FAF2: variants seen among roughly 807,000 people sequenced by gnomAD.
FAF2 encodes the protein FAS-associated factor 2.
A neutral mutation model predicts 62.3 loss-of-function variants in FAF2; 9 were observed. The observed-to-expected ratio is 0.14, with a 90% confidence interval of 0.09 to 0.25. The LOEUF (loss-of-function observed/expected upper bound fraction) is 0.25. Among genes scored for constraint, FAF2 ranks in the 10% least tolerant of loss-of-function variants. FAF2 has a pLI of 1.00. For synonymous variants in FAF2, 202 were observed against 198.0 expected (o/e 1.02, Z -0.17); for missense variants, 368 against 556.2 (o/e 0.66, Z 3.40).
At chr5:176,471,915 C>T (rs909773357) in intron 1 of FAF2, among the ~76,000 whole-genome samples, 1 of 149,606 alleles carries the variant, frequency 6.7e-6, no homozygotes, top group Non-Finnish European at 1.5e-5. Context: ...TTCCTAACCT[C>T]GTGATTCGCC....
chr5:176,465,338 T>G (rs1383206001), intron 1 of FAF2, among the ~76,000 whole-genome samples: 1 of 151,526 alleles, frequency 6.6e-6, no homozygotes, highest in East Asian at 1.9e-4. Flanking sequence ...GTATATACAA[T>G]AAAGAAACTG....
chr5:176,503,947 A>AGG (rs1755635759), intron 10 of FAF2, among the ~76,000 whole-genome samples: 1 of 152,006 alleles, frequency 6.6e-6, no homozygotes, highest in African/African-American at 2.4e-5. Context: ...GGATCACTTA[A>AGG]GGCCAGGAGT....
chr5:176,462,174 G>A (rs916146639), intron 1 of FAF2, among the ~76,000 whole-genome samples: 2 of 151,962 alleles, frequency 1.3e-5, no homozygotes, highest in Non-Finnish European at 2.9e-5. Context: ...TACTTGAGAG[G>A]CTGAGGCGGG....
intron 3 of FAF2, 125 bp from the exon 4 acceptor site, chr5:176,488,826 G>A (rs943442209): frequency 2.0e-5 from 14 of 705,168 alleles, no homozygotes; most frequent in Non-Finnish European, 3.5e-5. Flanking sequence ...CAGGAAGAAG[G>A]AACTGTACTT....
At chr5:176,483,942 G>A (rs1478550541) in intron 2 of FAF2, among the ~76,000 whole-genome samples, 1 of 152,106 alleles carries the variant, frequency 6.6e-6, no homozygotes, top group East Asian at 1.9e-4. Context: ...GTGTGTGGCG[G>A]TGCGTGCCTG....
intron 1 of FAF2, among the ~76,000 whole-genome samples, chr5:176,462,488 G>A (rs1758394868): frequency 6.6e-6 from 1 of 151,868 alleles, no homozygotes; most frequent in African/African-American, 2.4e-5. Context: ...GCCGGGCGTG[G>A]TGGCGCATGT....
chr5:176,467,129 C>CTTTTTTTTTT (rs374702773), intron 1 of FAF2, among the ~76,000 whole-genome samples: 1 of 94,034 alleles, frequency 1.1e-5, no homozygotes, highest in Non-Finnish European at 1.9e-5. Context: ...TTTTTTTTTC[C>CTTTTTTTTTT]TTTTTTTTTT....
intron 1 of FAF2, among the ~76,000 whole-genome samples, chr5:176,465,708 A>G (rs1263063166): frequency 6.6e-6 from 1 of 152,098 alleles, no homozygotes; most frequent in African/African-American, 2.4e-5. Flanking sequence ...ACTGAAAGCT[A>G]TTTTAGCTGG....
chr5:176,509,326 CTT>C lies in FAF2; in HGVS notation c.*2379_*2380del, dbSNP rs1755738590. ...GTACAATCTGTGTTACTCCTAAGGA[CTT>C]TTGGGATTTTGATGAGACCTGCGAG... is the stretch of plus-strand genomic sequence containing the variant. On this transcript the variant is annotated 3_prime_UTR_variant, in exon 11 of 11. Coordinates refer to ENST00000261942, the MANE Select transcript of FAF2 (RefSeq NM_014613.3). 1 of 152,120 alleles carries C rather than the reference CTT, an allele frequency of 6.6e-6. No individual in the cohort carries two copies. The highest frequency in any genetic ancestry group is 2.4e-5 in the African/African-American group (1 of 41,416). The allele number at this position is 152,120 out of a possible 1,614,324, so 9.4% of individuals were successfully genotyped here. A position where few individuals can be genotyped will look rare whatever the true frequency, so the allele number is the denominator to read the frequency against.
chr5:176,498,926 C>A lies in FAF2; in HGVS notation c.852C>A (p.Asn284Lys), dbSNP rs765635151. The stretch of plus-strand genomic sequence containing the variant: ...GATCTATTCACAGGGAAGAAAGAAA[C>A]CAGACCCAAGTGCTGAGACAACAGC... ...VSERLEREERNQTQVLRQQQD... is the reference protein window; with the variant it reads ...VSERLEREERKQTQVLRQQQD... Residue 284 changes from asparagine (N) to lysine (K), a missense_variant, in exon 9 of 11, where the codon AAC (asparagine) becomes AAA (lysine). Asn to Lys is a moderately conservative substitution (Grantham distance 94, BLOSUM62 0). This residue lies in a region of FAF2 where 331 missense variants were observed against 441.9 expected (regional missense o/e 0.75). Transcript: ENST00000261942. 1.3e-5 allele frequency: 20 copies of A among 1,594,644 alleles called. No homozygotes were observed. Among genetic ancestry groups the A allele is most frequent in the Non-Finnish European group, 6.0e-6 (7 of 1,170,730 alleles).
chr5:176,502,309 T>C (rs559446014), intron 10 of FAF2, among the ~76,000 whole-genome samples: 1 of 152,220 alleles, frequency 6.6e-6, no homozygotes, highest in East Asian at 1.9e-4. Context: ...GGCCAGGCGT[T>C]GTGGCTCACG....
Position 176,453,533 on chromosome 5 carries a change from A to T in FAF2, c.63+5063A>T, listed in dbSNP as rs1758222801. On this transcript the variant is annotated intron_variant, in intron 1 of 10. Transcript: ENST00000261942. ...AAAATCTTTCTTTTGGCTTCACCTG[A>T]CTATATTACCTAAAGGAAAAAAAAA... 2.6e-5 allele frequency: 4 copies of T among 152,154 alleles called. No individual in the cohort carries two copies. The South Asian group carries it at 8.3e-4, about 32-fold the overall frequency. 9.4% of individuals were successfully genotyped at this position (152,154 alleles called of 1,614,324 possible).
intron 2 of FAF2, among the ~76,000 whole-genome samples, chr5:176,479,867 G>T (rs1182996784): frequency 6.6e-6 from 1 of 152,046 alleles, no homozygotes; most frequent in Non-Finnish European, 1.5e-5. Context: ...CGGCTAATTT[G>T]TATTTTTAGT....
At chr5:176,473,231 G>A (rs1201633080) in intron 1 of FAF2, among the ~76,000 whole-genome samples, 1 of 152,182 alleles carries the variant, frequency 6.6e-6, no homozygotes, top group Non-Finnish European at 1.5e-5. Context: ...GGCTGTGACA[G>A]TTTCTTGAGC....
intron 2 of FAF2, among the ~76,000 whole-genome samples, chr5:176,483,658 C>G (rs1758823597): frequency 6.6e-6 from 1 of 152,178 alleles, no homozygotes; most frequent in Non-Finnish European, 1.5e-5. Context: ...CCTGCAGTTT[C>G]AGAGTGTCGC....
chr5:176,459,025 CTT>C (rs973221077), intron 1 of FAF2, among the ~76,000 whole-genome samples: 15 of 152,050 alleles, frequency 9.9e-5, no homozygotes, highest in African/African-American at 2.7e-4. Flanking sequence ...ATTTACATGT[CTT>C]TTAACTCCAC....
chr5:176,459,862 T>C (rs1031156681), intron 1 of FAF2, among the ~76,000 whole-genome samples: 7 of 152,076 alleles, frequency 4.6e-5, no homozygotes, highest in African/African-American at 1.7e-4. Flanking sequence ...GTTAGTTTAA[T>C]TTTTCAACAC....
Position 176,488,954 on chromosome 5 carries a change from C to T in FAF2, c.271C>T (p.Leu91=). The part of the protein sequence containing the change: ...YVVSRPQPRG[L]LGWGYYLIML... ...AACTTTGTTTTTGGACTTTCAGGGG[C>T]TGCTTGGATGGGGTTATTACTTGAT... Residue 91 remains leucine (L), a synonymous_variant, in exon 4 of 11, where the codon CTG becomes TTG. Transcript: ENST00000261942. 1 of 1,613,504 alleles carries T rather than the reference C, an allele frequency of 6.2e-7. No individual in the cohort carries two copies. The highest frequency in any genetic ancestry group is 1.1e-5 in the South Asian group (1 of 91,010).
At position 176,475,339 on chromosome 5, in the gene FAF2, G is replaced by C. The variant is rs115066038; in HGVS notation, c.64-3849G>C. 7.7e-3 allele frequency among the ~76,000 whole-genome samples: 1,177 copies of C among 152,072 alleles called. 7 individuals carry two copies. The highest frequency in any genetic ancestry group is 0.013 in the Non-Finnish European group (902 of 67,984). ...ATAGAGATGGAGTTTCTCTATATTG[G>C]CCAGGCTGGTCTTAACTCCTGGGCT... On this transcript the variant is annotated intron_variant, in intron 1 of 10. Coordinates refer to ENST00000261942, the MANE Select transcript of FAF2 (RefSeq NM_014613.3).
Sources: gnomAD v4.1 joint callset for allele counts (sites outside exome capture counted in the v4.1 genomes callset) on GRCh38, gnomAD v4.1.1 for gene constraint, gnomAD v4.1.1 regional missense constraint, MANE v1.5 for transcripts, NCBI Gene and HGNC (gene_info 2026-07-23, HGNC 2026-07-21) for gene names.